Variants in CSMD1 observed in about 807,000 individuals in gnomAD.
CSMD1 encodes the protein CUB and sushi domain-containing protein 1.
In CSMD1, 213 loss-of-function variants were observed where a neutral mutation model predicts 417.5. The ratio of observed to expected loss-of-function variants is 0.51; its 90% CI spans 0.46 to 0.57. The LOEUF (loss-of-function observed/expected upper bound fraction) is 0.57. Ranked by LOEUF, CSMD1 falls within the 20% of genes least tolerant of loss-of-function variation. The probability of loss-of-function intolerance (pLI) is 0.00; values close to 1 mark genes in which losing one functional copy is unlikely to be tolerated. For synonymous variants in CSMD1, 2,862 were observed against 1,736.8 expected, an observed-to-expected ratio of 1.65 and a Z score of -16.11; for missense variants, 6,923 against 4,529.7, an observed-to-expected ratio of 1.53 and a Z score of -15.17.
chr8:4,265,346 A>G (rs1804174526), intron 3 of CSMD1, among the ~76,000 whole-genome samples: 1 of 151,454 alleles, frequency 6.6e-6, no homozygotes, highest in African/African-American at 2.4e-5. Flanking sequence ...TTGGTGAATG[A>G]TCTGTCTCTG....
intron 14 of CSMD1, among the ~76,000 whole-genome samples, chr8:3,407,028 T>C (rs777221465): frequency 1.4e-4 from 21 of 151,658 alleles, no homozygotes; most frequent in Non-Finnish European, 2.9e-4. Flanking sequence ...GGAGGAAGAA[T>C]AGAAGGAAGA....
intron 3 of CSMD1, among the ~76,000 whole-genome samples, chr8:4,398,385 CTTCTTT>C (rs1480214525): frequency 3.4e-5 from 4 of 118,134 alleles, no homozygotes; most frequent in Non-Finnish European, 5.1e-5. Flanking sequence ...CTTGCTGCAA[CTTCTTT>C]TTTTTTTTTT....
chr8:3,723,620 A>G (rs1802312945), intron 6 of CSMD1, among the ~76,000 whole-genome samples: 1 of 152,006 alleles, frequency 6.6e-6, no homozygotes, highest in Non-Finnish European at 1.5e-5. Flanking sequence ...AGAAAATATT[A>G]GAATTTTAGA....
rs150453726 is a variant in CSMD1, at chr8:3,000,592, T to A, written c.8030-461A>T. On this transcript the variant is annotated intron_variant, in intron 52 of 69. Transcript: ENST00000635120. ...ATCAAATTACCTGTGAAATTCCAAATGGAAAGACAGGGATCAGAGAATAAG... is the reference window on the plus strand; with the variant it reads ...ATCAAATTACCTGTGAAATTCCAAAAGGAAAGACAGGGATCAGAGAATAAG... Among the ~76,000 whole-genome samples, 727 of 152,222 alleles carry A rather than the reference T, an allele frequency of 4.8e-3. 6 individuals carry two copies. The highest frequency in any genetic ancestry group is 0.016 in the African/African-American group (656 of 41,544).
chr8:3,964,658 G>A (rs61273955), intron 5 of CSMD1, among the ~76,000 whole-genome samples: 1,947 of 152,246 alleles, frequency 0.013, 49 homozygotes, highest in African/African-American at 0.045. Flanking sequence ...TCAAGTTGAG[G>A]TGTCTCTATA....
Position 4,674,969 on chromosome 8 carries a change from G to A in CSMD1, c.86-37411C>T, listed in dbSNP as rs183881854. ...CTCATTCTCCTCCATGAGAGGACAC[G>A]GTGAGGAGGCAGCTGTCTCCAAACC... is the stretch of plus-strand genomic sequence containing the variant. On this transcript the variant is annotated intron_variant, in intron 1 of 69. Transcript: ENST00000635120. Among the ~76,000 whole-genome samples the A allele has an allele frequency of 1.9e-3, 292 of 152,264 alleles. 2 individuals carry two copies. The highest frequency in any genetic ancestry group is 3.4e-3 in the Non-Finnish European group (232 of 68,024).
chr8:3,513,565 G>T (rs951955842), intron 10 of CSMD1, among the ~76,000 whole-genome samples: 1 of 151,998 alleles, frequency 6.6e-6, no homozygotes, highest in African/African-American at 2.4e-5. Flanking sequence ...CTGTCCTTTG[G>T]GAGAATCCTG....
At chr8:3,778,966 T>C (rs907481969) in intron 5 of CSMD1, among the ~76,000 whole-genome samples, 1 of 152,204 alleles carries the variant, frequency 6.6e-6, no homozygotes, top group Non-Finnish European at 1.5e-5. Flanking sequence ...CCTTGGCTTG[T>C]GTTCTTTTCA....
chr8:4,220,533 G>C (rs573983636), intron 3 of CSMD1, among the ~76,000 whole-genome samples: 2 of 152,192 alleles, frequency 1.3e-5, no homozygotes, highest in Admixed American at 1.3e-4. Context: ...TGGAAACATG[G>C]AGACATTACT....
At chr8:3,566,184 G>C (rs1475135662) in intron 10 of CSMD1, among the ~76,000 whole-genome samples, 1 of 151,962 alleles carries the variant, frequency 6.6e-6, no homozygotes, top group East Asian at 1.9e-4. Flanking sequence ...GAAAGGAAAG[G>C]GGAGAAAAGA....
chr8:3,318,148 G>A (rs17320410), intron 23 of CSMD1, among the ~76,000 whole-genome samples: 3,047 of 152,198 alleles, frequency 0.02, 40 homozygotes, highest in East Asian at 0.037. Context: ...TGATGATGAA[G>A]CTAGTAAATT....
intron 1 of CSMD1, among the ~76,000 whole-genome samples, chr8:4,729,410 T>G (rs1585009602): frequency 6.6e-6 from 1 of 152,138 alleles, no homozygotes; most frequent in Non-Finnish European, 1.5e-5. Context: ...AAAAATAAAG[T>G]ATCCACAACT....
At chr8:3,158,482 C>T (rs116636757) in intron 38 of CSMD1, among the ~76,000 whole-genome samples, 57 of 152,136 alleles carry the variant, frequency 3.7e-4, no homozygotes, top group African/African-American at 1.2e-3. Flanking sequence ...TATCACAGAA[C>T]GGAGACTTCA....
chr8:3,838,891 TATA>T (rs1414365227), intron 5 of CSMD1, among the ~76,000 whole-genome samples: 27 of 97,510 alleles, frequency 2.8e-4, no homozygotes, highest in East Asian at 9.7e-4. Flanking sequence ...AATTATAATA[TATA>T]ATAATATATA....
At chr8:3,667,704 T>G (rs144727553) in intron 7 of CSMD1, among the ~76,000 whole-genome samples, 6 of 152,254 alleles carry the variant, frequency 3.9e-5, no homozygotes, top group Non-Finnish European at 5.9e-5. Context: ...AATTGAGCTG[T>G]TAGAGGATTA....
intron 3 of CSMD1, among the ~76,000 whole-genome samples, chr8:4,044,813 C>T (rs558523723): frequency 2.5e-4 from 28 of 112,890 alleles, no homozygotes; most frequent in African/African-American, 8.7e-4. Context: ...TGGATGTGAA[C>T]CATCCTCGAT....
intron 1 of CSMD1, among the ~76,000 whole-genome samples, chr8:4,772,602 T>C (rs2164903): frequency 6.6e-6 from 1 of 152,000 alleles, no homozygotes; most frequent in Non-Finnish European, 1.5e-5. Context: ...TGAATTAAAA[T>C]TTTTTCTTAG....
At chr8:4,626,974 G>A (rs1402491968) in intron 2 of CSMD1, among the ~76,000 whole-genome samples, 2 of 152,096 alleles carry the variant, frequency 1.3e-5, no homozygotes, top group Non-Finnish European at 2.9e-5. Context: ...AAGTAGGTGA[G>A]TGTATTTATT....
At chr8:4,950,296 G>A (rs7003760) in intron 1 of CSMD1, among the ~76,000 whole-genome samples, 84,201 of 151,940 alleles carry the variant, frequency 0.55, 23,398 homozygotes, top group Admixed American at 0.58. Flanking sequence ...ATTCTGATTA[G>A]TAAGTAAATG....
Sources: gnomAD v4.1 joint callset for allele counts (sites outside exome capture counted in the v4.1 genomes callset) on GRCh38, gnomAD v4.1.1 for gene constraint, MANE v1.5 for transcripts, NCBI Gene and HGNC (gene_info 2026-07-23, HGNC 2026-07-21) for gene names.